Variants in KIAA1328 observed in about 807,000 individuals in gnomAD.
KIAA1328 encodes protein hinderin.
In KIAA1328, 52 loss-of-function variants were observed where a neutral mutation model predicts 68.1. The ratio of observed to expected loss-of-function variants is 0.76; its 90% confidence interval spans 0.61 to 0.96. The LOEUF (loss-of-function observed/expected upper bound fraction) is 0.96. Ranked by LOEUF, KIAA1328 falls within the 40% of genes least tolerant of loss-of-function variation. The pLI is 0.00. For synonymous variants in KIAA1328, 232 were observed against 239.4 expected, an observed-to-expected ratio of 0.97 and a Z score of 0.28; for missense variants, 641 against 677.6, an observed-to-expected ratio of 0.95 and a Z score of 0.60.
chr18:37,168,569 G>A (rs555651371), intron 8 of KIAA1328, among the ~76,000 whole-genome samples: 5 of 152,216 alleles, frequency 3.3e-5, no homozygotes, highest in Admixed American at 2.6e-4. Flanking sequence ...ATCAGCATAG[G>A]TAAATTTTGC....
downstream of KIAA1328, among the ~76,000 whole-genome samples, chr18:37,227,609 A>ATGGTTT (rs1170913217): frequency 6.6e-6 from 1 of 152,236 alleles, no homozygotes; most frequent in East Asian, 1.9e-4. Context: ...TGTTTACAGC[A>ATGGTTT]TGGTTTACTG....
intron 6 of KIAA1328, among the ~76,000 whole-genome samples, chr18:37,037,698 A>G (rs1235821304): frequency 6.6e-6 from 1 of 151,150 alleles, no homozygotes; most frequent in Admixed American, 6.6e-5. Flanking sequence ...AACCTGGCCA[A>G]TCTGGTGAAA....
intron 6 of KIAA1328, among the ~76,000 whole-genome samples, chr18:36,975,605 A>T (rs529104604): frequency 2.6e-5 from 4 of 152,330 alleles, no homozygotes; most frequent in Non-Finnish European, 4.4e-5. Context: ...AACCTCAGAA[A>T]ATGTAATATT....
chr18:36,955,540 C>T (rs1305235202), intron 5 of KIAA1328, among the ~76,000 whole-genome samples: 1 of 151,626 alleles, frequency 6.6e-6, no homozygotes, highest in Non-Finnish European at 1.5e-5. Context: ...AATCTCTTGA[C>T]CTGGTGATCT....
chr18:37,161,051 T>C (rs1177004902), intron 8 of KIAA1328, among the ~76,000 whole-genome samples: 1 of 152,184 alleles, frequency 6.6e-6, no homozygotes, highest in Admixed American at 6.5e-5. Context: ...AGCTTTATTG[T>C]ACAGAAAAGA....
intron 4 of KIAA1328, among the ~76,000 whole-genome samples, chr18:36,870,659 G>C (rs1192188416): frequency 6.6e-6 from 1 of 152,146 alleles, no homozygotes; most frequent in African/African-American, 2.4e-5. Context: ...CATTACAGAA[G>C]TACAGTGATC....
At chr18:36,835,191 AAT>A in intron 2 of KIAA1328, 41 bp from the exon 3 acceptor site, 1 of 1,582,196 alleles carries the variant, frequency 6.3e-7, no homozygotes, top group Non-Finnish European at 8.6e-7. Context: ...GGTTTAAGAT[AAT>A]AAGGTATAAT....
chr18:36,960,254 GGAGGGGCGTC>G (rs1199058523), intron 6 of KIAA1328, among the ~76,000 whole-genome samples: 1 of 152,210 alleles, frequency 6.6e-6, no homozygotes, highest in Non-Finnish European at 1.5e-5. Flanking sequence ...CCCGGCAGGG[GGAGGGGCGTC>G]GACCATTGCT....
chr18:37,159,275 CACCTGGAGTAAGTGATAG>C (rs1446913365), intron 7 of KIAA1328, among the ~76,000 whole-genome samples: 1 of 152,122 alleles, frequency 6.6e-6, no homozygotes, highest in Non-Finnish European at 1.5e-5. Context: ...GGTCAAAGGC[CACCTGGAGTAAGTGATAG>C]ACCTGGCAAC....
intron 4 of KIAA1328, among the ~76,000 whole-genome samples, chr18:36,862,942 A>G (rs1375504752): frequency 1.3e-5 from 2 of 152,044 alleles, no homozygotes; most frequent in Admixed American, 1.3e-4. Context: ...TGTGCTTATT[A>G]TTTCCATCTG....
At chr18:36,933,335 C>T (rs1418345556) in intron 5 of KIAA1328, among the ~76,000 whole-genome samples, 1 of 152,188 alleles carries the variant, frequency 6.6e-6, no homozygotes, top group African/African-American at 2.4e-5. Flanking sequence ...ACCAGATCTG[C>T]TCCCGGGCCT....
intron 6 of KIAA1328, among the ~76,000 whole-genome samples, chr18:37,020,899 T>C (rs1445122072): frequency 6.6e-6 from 1 of 152,232 alleles, no homozygotes; most frequent in Non-Finnish European, 1.5e-5. Flanking sequence ...CTTGTGTTAA[T>C]TTCTGCCCTT....
intron 4 of KIAA1328, among the ~76,000 whole-genome samples, chr18:36,846,083 T>C (rs1402123851): frequency 1.3e-5 from 2 of 151,676 alleles, no homozygotes; most frequent in Non-Finnish European, 3.0e-5. Flanking sequence ...CTACTGGATA[T>C]TTCAGTCTAC....
chr18:37,040,174 C>CT (rs775559046), intron 6 of KIAA1328, among the ~76,000 whole-genome samples: 6 of 152,178 alleles, frequency 3.9e-5, no homozygotes, highest in Admixed American at 6.6e-5. Context: ...TCTGAATGAT[C>CT]TTTTTTTGCC....
intron 7 of KIAA1328, among the ~76,000 whole-genome samples, chr18:37,103,803 T>TACACAC (rs60337954): frequency 6.2e-4 from 91 of 145,760 alleles, no homozygotes; most frequent in Middle Eastern, 3.5e-3. Flanking sequence ...CAATAGCAAA[T>TACACAC]ACACACACAC....
chr18:37,066,306 TTAAG>T (rs1285189683), intron 6 of KIAA1328, among the ~76,000 whole-genome samples: 2 of 152,222 alleles, frequency 1.3e-5, no homozygotes, highest in African/African-American at 2.4e-5. Flanking sequence ...GTAGATGAAA[TTAAG>T]TATTTTTTGT....
chr18:37,115,957 T>C (rs1599326273), intron 7 of KIAA1328, among the ~76,000 whole-genome samples: 2 of 152,288 alleles, frequency 1.3e-5, no homozygotes, highest in Non-Finnish European at 1.5e-5. Context: ...TTACAAGGGA[T>C]GTGAAGGACC....
chr18:37,220,294 T>C (rs8096167), intron 9 of KIAA1328, among the ~76,000 whole-genome samples: 21,351 of 152,296 alleles, frequency 0.14, 1,943 homozygotes, highest in Non-Finnish European at 0.19. Context: ...AATCACTTAA[T>C]GATTTGTCTA....
At chr18:37,150,024 C>A (rs2058992780) in intron 7 of KIAA1328, among the ~76,000 whole-genome samples, 1 of 151,904 alleles carries the variant, frequency 6.6e-6, no homozygotes, top group Non-Finnish European at 1.5e-5. Context: ...AATATAAATT[C>A]CTTTAAGTCA....
Sources: allele counts gnomAD v4.1 joint callset (sites outside exome capture counted in the v4.1 genomes callset), GRCh38; gene constraint gnomAD v4.1.1; transcripts MANE v1.5; gene names NCBI Gene and HGNC (gene_info 2026-07-23, HGNC 2026-07-21).